The following LRRIQ3 variants were observed in gnomAD, a reference collection of about 807,000 sequenced individuals.
The protein encoded by LRRIQ3 is leucine-rich repeat and IQ domain-containing protein 3.
A neutral mutation model predicts 59.3 loss-of-function variants in LRRIQ3; 75 were observed. The ratio of observed to expected loss-of-function variants is 1.26; its 90% confidence interval spans 1.05 to 1.53. The LOEUF (loss-of-function observed/expected upper bound fraction) is 1.53, where lower values mean the gene tolerates loss of function less well. Among genes scored for constraint, LRRIQ3 ranks in the 40% most tolerant of loss-of-function variants. The probability of loss-of-function intolerance (pLI) is 0.00; values close to 1 mark genes in which losing one functional copy is unlikely to be tolerated. For synonymous variants in LRRIQ3, 250 were observed against 231.3 expected (o/e 1.08, Z -0.73); for missense variants, 831 against 710.0 (o/e 1.17, Z -1.94).
intron 4 of LRRIQ3, among the ~76,000 whole-genome samples, chr1:74,130,422 G>A (rs1646996635): frequency 6.6e-6 from 1 of 152,070 alleles, no homozygotes; most frequent in Non-Finnish European, 1.5e-5. Flanking sequence ...CAATTACTGT[G>A]TTCTCACTCT....
At chr1:74,115,245 A>G (rs2100574096) in intron 4 of LRRIQ3, among the ~76,000 whole-genome samples, 1 of 152,290 alleles carries the variant, frequency 6.6e-6, no homozygotes, top group African/African-American at 2.4e-5. Context: ...TCCAAAGTCT[A>G]ATGATGTTTA....
chr1:74,128,938 C>A (rs564072472), intron 4 of LRRIQ3, among the ~76,000 whole-genome samples: 1 of 152,152 alleles, frequency 6.6e-6, no homozygotes, highest in African/African-American at 2.4e-5. Context: ...AACGCTTGTT[C>A]TCTTCCTACT....
At chr1:74,065,958 G>C (rs1489940091) in intron 6 of LRRIQ3, among the ~76,000 whole-genome samples, 1 of 152,004 alleles carries the variant, frequency 6.6e-6, no homozygotes, top group Non-Finnish European at 1.5e-5. Flanking sequence ...AGGCCGAGGT[G>C]AGTGAATCAC....
intron 6 of LRRIQ3, among the ~76,000 whole-genome samples, chr1:74,047,543 G>A (rs1327458960): frequency 6.6e-6 from 1 of 151,712 alleles, no homozygotes; most frequent in African/African-American, 2.4e-5. Context: ...TATACCTATG[G>A]AACAAACCTG....
chr1:74,077,507 A>G (rs1450993861), intron 5 of LRRIQ3, among the ~76,000 whole-genome samples: 1 of 151,958 alleles, frequency 6.6e-6, no homozygotes, highest in African/African-American at 2.4e-5. Flanking sequence ...TATCACAAAT[A>G]CAGTTAATTT....
intron 5 of LRRIQ3, chr1:74,084,173 T>A (rs1331220750): frequency 1.3e-6 from 2 of 1,547,240 alleles, no homozygotes; most frequent in Non-Finnish European, 1.7e-6. Context: ...AATACACACA[T>A]CCAGCCCACT....
chr1:74,121,675 T>G (rs1233730891), intron 4 of LRRIQ3, among the ~76,000 whole-genome samples: 1 of 152,096 alleles, frequency 6.6e-6, no homozygotes, highest in East Asian at 1.9e-4. Flanking sequence ...GTTGGTGTGC[T>G]GCACCCAGTA....
chr1:74,079,299 T>A (rs1025653802), intron 5 of LRRIQ3, among the ~76,000 whole-genome samples: 1 of 151,752 alleles, frequency 6.6e-6, no homozygotes, highest in Non-Finnish European at 1.5e-5. Flanking sequence ...ACAGTCCTGC[T>A]ATACTAGATT....
intron 5 of LRRIQ3, among the ~76,000 whole-genome samples, chr1:74,089,622 T>C (rs890359438): frequency 2.6e-5 from 4 of 152,064 alleles, no homozygotes; most frequent in African/African-American, 9.7e-5. Context: ...TCCGCTTATA[T>C]TAAATGCCAA....
chr1:74,127,278 G>C (rs1196296834), intron 4 of LRRIQ3, among the ~76,000 whole-genome samples: 2 of 151,788 alleles, frequency 1.3e-5, no homozygotes, highest in African/African-American at 4.8e-5. Flanking sequence ...CAATCATTGA[G>C]TCTTGTTTTT....
chr1:74,072,125 A>G (rs1241285862), intron 6 of LRRIQ3, among the ~76,000 whole-genome samples: 5 of 152,144 alleles, frequency 3.3e-5, no homozygotes, highest in African/African-American at 1.2e-4. Flanking sequence ...AAATATCAGT[A>G]TTTAAGAATG....
intron 6 of LRRIQ3, among the ~76,000 whole-genome samples, chr1:74,053,697 T>G (rs914782225): frequency 6.7e-6 from 1 of 149,792 alleles, no homozygotes; most frequent in Non-Finnish European, 1.5e-5. Flanking sequence ...TAAAAGCAAA[T>G]AAATAAATAA....
chr1:74,042,794 C>G (rs916975417), intron 6 of LRRIQ3, among the ~76,000 whole-genome samples: 1 of 152,030 alleles, frequency 6.6e-6, no homozygotes, highest in Non-Finnish European at 1.5e-5. Flanking sequence ...TGACCATGGG[C>G]TAAGTCCTTT....
chr1:74,119,415 T>C (rs1646821492), intron 4 of LRRIQ3, among the ~76,000 whole-genome samples: 1 of 152,088 alleles, frequency 6.6e-6, no homozygotes, highest in African/African-American at 2.4e-5. Context: ...GACTACTTTA[T>C]ATACAAGCTA....
intron 5 of LRRIQ3, among the ~76,000 whole-genome samples, chr1:74,085,546 G>C (rs965238202): frequency 3.3e-5 from 5 of 151,844 alleles, no homozygotes; most frequent in African/African-American, 1.2e-4. Flanking sequence ...GATGACATCA[G>C]AGACTATGTT....
intron 3 of LRRIQ3, among the ~76,000 whole-genome samples, chr1:74,176,191 T>C (rs1387577098): frequency 6.6e-6 from 1 of 152,166 alleles, no homozygotes; most frequent in Non-Finnish European, 1.5e-5. Flanking sequence ...TCTGAGTATA[T>C]ATTAATTCCT....
intron 4 of LRRIQ3, among the ~76,000 whole-genome samples, chr1:74,111,205 GAA>G (rs199837069): frequency 3.4e-5 from 5 of 145,770 alleles, no homozygotes; most frequent in East Asian, 4.0e-4. Context: ...CCTGTGAAGA[GAA>G]AAAAAAAAGT....
At chr1:74,049,718 T>C (rs763370635) in intron 6 of LRRIQ3, among the ~76,000 whole-genome samples, 4 of 152,146 alleles carry the variant, frequency 2.6e-5, no homozygotes, top group Non-Finnish European at 5.9e-5. Flanking sequence ...TTTAAACACA[T>C]AACTAACATT....
chr1:74,140,437 A>G (rs1372046910), intron 4 of LRRIQ3, among the ~76,000 whole-genome samples: 1 of 151,500 alleles, frequency 6.6e-6, no homozygotes, highest in Admixed American at 6.6e-5. Context: ...TGACCTAACT[A>G]TAATGAAATA....
Sources: allele counts gnomAD v4.1 joint callset (sites outside exome capture counted in the v4.1 genomes callset), GRCh38; gene constraint gnomAD v4.1.1; transcripts MANE v1.5; gene names NCBI Gene and HGNC (gene_info 2026-07-23, HGNC 2026-07-21).